HGF: variants seen among roughly 807,000 people sequenced by gnomAD.
The protein encoded by HGF is hepatocyte growth factor.
Under a neutral mutation model 111.6 loss-of-function variants are expected in HGF, and 39 were observed. The ratio of observed to expected loss-of-function variants is 0.35; its 90% CI spans 0.27 to 0.46. The LOEUF is 0.46. HGF is among the 20% of genes least tolerant of loss of function. The pLI, the probability that HGF is intolerant of heterozygous loss-of-function variation, is 1.00. For missense variants in HGF, 735 were observed against 910.5 expected (o/e 0.81, Z 2.48); for synonymous variants, 285 against 294.8 (o/e 0.97, Z 0.34).
intron 5 of HGF, chr7:81,751,864 C>A: frequency 7.6e-7 from 1 of 1,311,028 alleles, no homozygotes. Context: ...CCCTCTCTTT[C>A]ACTTTCCCCA....
intron 10 of HGF, among the ~76,000 whole-genome samples, chr7:81,720,421 A>G (rs2115867069): frequency 6.6e-6 from 1 of 152,336 alleles, no homozygotes; most frequent in South Asian, 2.1e-4. Context: ...TTATGTAACT[A>G]TTGTGTCAAT....
chr7:81,721,188 C>A lies in HGF; in HGVS notation c.1169-341G>T, dbSNP rs189637233. 5.3e-3 allele frequency among the ~76,000 whole-genome samples: 808 copies of A among 151,910 alleles called. 27 individuals are homozygous for A. Among genetic ancestry groups the A allele is most frequent in the Admixed American group, 0.048 (727 of 15,266 alleles). On this transcript the variant is annotated intron_variant, in intron 9 of 17. Transcript: ENST00000222390. ...CGTGAACCCGGGAGGCGGAGCTTGCCGTGAGCCGAGATGGCGCCACTGCAC... is the reference window on the plus strand; with the variant it reads ...CGTGAACCCGGGAGGCGGAGCTTGCAGTGAGCCGAGATGGCGCCACTGCAC...
At chr7:81,752,670 A>T (rs538197873) in intron 4 of HGF, among the ~76,000 whole-genome samples, 3 of 152,184 alleles carry the variant, frequency 2.0e-5, no homozygotes, top group African/African-American at 7.2e-5. Flanking sequence ...CTTATTTGAG[A>T]TCATTACTTG....
intron 8 of HGF, among the ~76,000 whole-genome samples, chr7:81,728,556 G>A (rs909666169): frequency 1.3e-5 from 2 of 152,180 alleles, no homozygotes; most frequent in Admixed American, 6.5e-5. Flanking sequence ...GTCACGAATA[G>A]AGAGTGAATT....
intron 7 of HGF, chr7:81,742,901 T>A (rs1303316344): frequency 5.6e-6 from 9 of 1,612,458 alleles, no homozygotes; most frequent in Non-Finnish European, 7.6e-6. Context: ...GCAGCCTCTG[T>A]CACTCACCAG....
intron 4 of HGF, chr7:81,756,139 G>C (rs1000159435): frequency 1.5e-6 from 1 of 675,212 alleles, no homozygotes; most frequent in Non-Finnish European, 2.7e-6. Flanking sequence ...AAAAGCGCAG[G>C]TTATAGAGTG....
chr7:81,722,733 G>C (rs919648673), intron 9 of HGF, among the ~76,000 whole-genome samples: 1 of 141,976 alleles, frequency 7.0e-6, no homozygotes. Flanking sequence ...AGAATTGCTT[G>C]AACCCCAGAG....
At chr7:81,720,094 G>A (rs756851017) in intron 10 of HGF, among the ~76,000 whole-genome samples, 10 of 152,066 alleles carry the variant, frequency 6.6e-5, no homozygotes, top group South Asian at 2.1e-4. Flanking sequence ...CTATTGCTAG[G>A]GTTGAGTGGG....
chr7:81,751,877 G>C, intron 5 of HGF: 1 of 1,345,142 alleles, frequency 7.4e-7, no homozygotes, highest in Non-Finnish European at 9.6e-7. Flanking sequence ...TTTCCCCAGA[G>C]GGATGTCTCA....
At chr7:81,706,798 T>C (rs1302107584) in intron 14 of HGF, among the ~76,000 whole-genome samples, 4 of 152,014 alleles carry the variant, frequency 2.6e-5, no homozygotes, top group Non-Finnish European at 5.9e-5. Context: ...GTTGAAGTTT[T>C]CTACAAACAA....
chr7:81,757,903 A>G (rs998391510), intron 3 of HGF, among the ~76,000 whole-genome samples: 2 of 152,038 alleles, frequency 1.3e-5, no homozygotes, highest in Non-Finnish European at 2.9e-5. Context: ...ATGGTGTTAT[A>G]CTAGATCATG....
chr7:81,717,127 T>C, intron 11 of HGF, 105 bp downstream of exon 11: 1 of 1,116,482 alleles, frequency 9.0e-7, no homozygotes, highest in Non-Finnish European at 1.4e-6. Flanking sequence ...GAGAGCTTCC[T>C]CATTTGGGAA....
At chr7:81,744,063 G>A (rs902191345) in intron 6 of HGF, among the ~76,000 whole-genome samples, 7 of 151,940 alleles carry the variant, frequency 4.6e-5, no homozygotes, top group Admixed American at 3.9e-4. Context: ...GACAAGACAA[G>A]CATTTATTTG....
chr7:81,729,869 G>T, intron 7 of HGF, 90 bp from the exon 8 acceptor site: 1 of 1,216,158 alleles, frequency 8.2e-7, no homozygotes. Context: ...ATTTGTATTA[G>T]CAGATTTTTT....
intron 7 of HGF, among the ~76,000 whole-genome samples, chr7:81,737,765 G>A (rs1787880311): frequency 6.6e-6 from 1 of 152,136 alleles, no homozygotes; most frequent in East Asian, 1.9e-4. Flanking sequence ...ATTAATAAAT[G>A]TTTTGAATTT....
At chr7:81,764,347 C>G (rs1358328947) in intron 1 of HGF, among the ~76,000 whole-genome samples, 2 of 152,084 alleles carry the variant, frequency 1.3e-5, no homozygotes, top group Admixed American at 1.3e-4. Flanking sequence ...GCACAATCTC[C>G]AAAAGACAAT....
chr7:81,720,339 AAAC>A (rs1289567134), intron 10 of HGF, among the ~76,000 whole-genome samples: 1 of 152,208 alleles, frequency 6.6e-6, no homozygotes, highest in Admixed American at 6.5e-5. Flanking sequence ...TTAAATATGA[AAAC>A]AATAATCCCA....
chr7:81,763,282 A>C (rs1789192462), intron 1 of HGF, among the ~76,000 whole-genome samples: 1 of 152,202 alleles, frequency 6.6e-6, no homozygotes, highest in Non-Finnish European at 1.5e-5. Context: ...TATAGTATTT[A>C]ATGAGATAAG....
intron 5 of HGF, 21 bp from the exon 6 acceptor site, chr7:81,745,141 C>A (rs2116047563): frequency 1.2e-6 from 2 of 1,612,810 alleles, no homozygotes; most frequent in Non-Finnish European, 1.7e-6. Flanking sequence ...TAAAGTATGG[C>A]ATGTTAATTG....
Sources: gnomAD v4.1 joint callset for allele counts (sites outside exome capture counted in the v4.1 genomes callset) on GRCh38, gnomAD v4.1.1 for gene constraint, MANE v1.5 for transcripts, NCBI Gene and HGNC (gene_info 2026-07-23, HGNC 2026-07-21) for gene names.